The following SEC23A variants were observed in gnomAD, a reference collection of about 807,000 sequenced individuals.
SEC23A encodes the protein SEC23 homolog A, COPII component.
A neutral mutation model predicts 103.7 loss-of-function variants in SEC23A; 56 were observed. The observed-to-expected ratio is 0.54, with a 90% confidence interval of 0.44 to 0.67. SEC23A has a LOEUF of 0.67. SEC23A is among the 30% of genes least tolerant of loss of function. SEC23A has a pLI of 0.00. For synonymous variants in SEC23A, 281 were observed against 293.0 expected (o/e 0.96, Z 0.42); for missense variants, 784 against 936.4 (o/e 0.84, Z 2.12).
chr14:39,086,123 T>C (rs1025134599), intron 6 of SEC23A, among the ~76,000 whole-genome samples: 1 of 151,990 alleles, frequency 6.6e-6, no homozygotes, highest in Non-Finnish European at 1.5e-5. Flanking sequence ...AGGTCTGGAG[T>C]GGAGCCGAAG....
At chr14:39,086,081 T>C (rs1031977919) in intron 6 of SEC23A, among the ~76,000 whole-genome samples, 175 bp from the exon 7 acceptor site, 6 of 152,142 alleles carry the variant, frequency 3.9e-5, no homozygotes, top group African/African-American at 2.4e-5. Context: ...TAACACATAT[T>C]GCTAGGTCCC....
chr14:39,096,010 G>C lies in SEC23A; in HGVS notation c.109C>G (p.Pro37Ala). The C allele has an allele frequency of 1.2e-6, 2 of 1,614,050 alleles. No individual in the cohort carries two copies. Residue 37 changes from proline (P) to alanine (A), a missense_variant, in exon 2 of 20, where the codon CCT becomes GCT. Physicochemically the swap from Pro to Ala is conservative, Grantham distance 27. Coordinates refer to ENST00000307712, the MANE Select transcript of SEC23A (RefSeq NM_006364.4). ...AGTGGTGTAAACAGGGCTGCCACAG[G>C]AACAACCATTCTTGTAGCTTCCAGT... is the stretch of plus-strand genomic sequence containing the variant. ...SRLEATRMVV[P>A]VAALFTPLKE...
At chr14:39,035,813 G>C (rs554532810) in intron 19 of SEC23A, among the ~76,000 whole-genome samples, 58 of 152,232 alleles carry the variant, frequency 3.8e-4, no homozygotes, top group African/African-American at 1.0e-3. Flanking sequence ...AATCTAACAG[G>C]AGCAATGCCA....
At chr14:39,086,606 GA>G (rs1887454376) in intron 6 of SEC23A, among the ~76,000 whole-genome samples, 1 of 152,106 alleles carries the variant, frequency 6.6e-6, no homozygotes, top group African/African-American at 2.4e-5. Flanking sequence ...ACCTTAGCGG[GA>G]AAAGCTACCT....
intron 7 of SEC23A, among the ~76,000 whole-genome samples, chr14:39,083,565 T>TTTTTTTTTTC (rs1205696817): frequency 1.3e-5 from 1 of 78,672 alleles, no homozygotes; most frequent in African/African-American, 5.6e-5. Flanking sequence ...TAAACTTTCT[T>TTTTTTTTTTC]TTTTTTTTTT....
chr14:39,074,324 C>T, intron 9 of SEC23A, 91 bp downstream of exon 9: 2 of 843,406 alleles, frequency 2.4e-6, no homozygotes, highest in Non-Finnish European at 4.1e-6. Flanking sequence ...GGGAAGATGA[C>T]ACTTTTCCCT....
At chr14:39,034,796 T>C (rs1885407935) in intron 19 of SEC23A, among the ~76,000 whole-genome samples, 1 of 152,190 alleles carries the variant, frequency 6.6e-6, no homozygotes, top group Admixed American at 6.5e-5. Context: ...TATCCAGGAT[T>C]AGGCAGAAAG....
At chr14:39,088,951 G>A (rs1262350058) in intron 5 of SEC23A, among the ~76,000 whole-genome samples, 1 of 151,778 alleles carries the variant, frequency 6.6e-6, no homozygotes, top group East Asian at 1.9e-4. Flanking sequence ...GGCAGATCAC[G>A]AGGTCAGGAG....
intron 13 of SEC23A, among the ~76,000 whole-genome samples, chr14:39,059,703 T>C (rs976790225): frequency 6.6e-6 from 1 of 152,210 alleles, no homozygotes; most frequent in Non-Finnish European, 1.5e-5. Flanking sequence ...GGAGATATTA[T>C]GACCTTCTGC....
At chr14:39,039,700 C>G (rs1334504853) in intron 18 of SEC23A, 1 of 152,542 alleles carries the variant, frequency 6.6e-6, no homozygotes, top group East Asian at 1.9e-4. Context: ...AATTTAGTAT[C>G]ATACAAAATC....
Position 39,074,496 on chromosome 14 carries a change from G to A in SEC23A, c.1022C>T (p.Thr341Ile), listed in dbSNP as rs1886946011. Residue 341 changes from threonine to isoleucine, a missense_variant, in exon 9 of 20, where the codon ACT (threonine) becomes ATT (isoleucine). Thr to Ile is a moderately conservative substitution (Grantham distance 89). Around this residue, in one of 2 missense-constraint regions of SEC23A, gnomAD observed 683 missense variants for 774.2 expected, o/e 0.88. Coordinates refer to ENST00000307712, the MANE Select transcript of SEC23A (RefSeq NM_006364.4). ...CGCATAGATATCAATAACATGGCCA[G>A]TTGTAGCAGCTCGATTAGCCAATGC... ...FEALANRAAT[T>I]GHVIDIYACA... 6.2e-7 allele frequency: 1 copy of A among 1,613,142 alleles called. No individual in the cohort carries two copies. Among genetic ancestry groups the A allele is most frequent in the Non-Finnish European group, 8.5e-7 (1 of 1,179,514 alleles).
At chr14:39,051,123 T>C (rs1050947376) in intron 14 of SEC23A, among the ~76,000 whole-genome samples, 3 of 152,248 alleles carry the variant, frequency 2.0e-5, no homozygotes, top group Non-Finnish European at 4.4e-5. Context: ...TAGGAAATTA[T>C]ACTAATAAAT....
intron 15 of SEC23A, chr14:39,047,508 AAC>A: frequency 5.0e-5 from 35 of 704,142 alleles, no homozygotes; most frequent in East Asian, 1.5e-4. Flanking sequence ...AAACAACAAC[AAC>A]AAAAAAAAAA....
At chr14:39,074,292 A>G in intron 9 of SEC23A, 123 bp downstream of exon 9, 2 of 726,760 alleles carry the variant, frequency 2.8e-6, no homozygotes, top group South Asian at 1.5e-5. Context: ...AACTACTAAC[A>G]GATGTGTTGC....
Position 39,086,969 on chromosome 14 carries a change from T to C in SEC23A, c.643A>G (p.Thr215Ala). The change falls in exon 6 of 20, where the codon ACA becomes GCA. Residue 215 changes from threonine (T) to alanine (A), a missense_variant. Coordinates refer to ENST00000307712, the MANE Select transcript of SEC23A (RefSeq NM_006364.4). ...GLSKVPLTQA[T>A]RGPQVQQPPP... ...GGCTGCTGTACCTGAGGACCACGTG[T>C]TGCTTGAGTAAGTGGTACTTTAGAG... 6.3e-7 allele frequency: 1 copy of C among 1,595,164 alleles called. No homozygotes were observed. The highest frequency in any genetic ancestry group is 1.1e-5 in the South Asian group (1 of 90,720).
At chr14:39,083,499 C>A (rs903061580) in intron 7 of SEC23A, among the ~76,000 whole-genome samples, 1 of 151,714 alleles carries the variant, frequency 6.6e-6, no homozygotes, top group African/African-American at 2.4e-5. Context: ...GCTCTGACCA[C>A]CTTGGACGCA....
Position 39,086,720 on chromosome 14 carries a change from T to C in SEC23A, c.683+209A>G, listed in dbSNP as rs143002954. 2.6e-4 allele frequency among the ~76,000 whole-genome samples: 40 copies of C among 152,242 alleles called. No homozygotes were observed. The East Asian group carries it at 7.5e-3, about 29-fold the overall frequency. On this transcript the variant is annotated intron_variant, in intron 6 of 19. Transcript: ENST00000307712. ...TAAAAAATAAGGAAAATAACAAAACTAAAGTAACTCCTTACATTGTTAAGA... is the reference window on the plus strand; with the variant it reads ...TAAAAAATAAGGAAAATAACAAAACCAAAGTAACTCCTTACATTGTTAAGA...
chr14:39,097,508 A>G (rs891675221), intron 1 of SEC23A, among the ~76,000 whole-genome samples: 7 of 152,298 alleles, frequency 4.6e-5, no homozygotes, highest in South Asian at 2.1e-4. Context: ...ATTTGGGGGG[A>G]AAAAGTTAGA....
At chr14:39,092,896 C>G (rs1887709426) in intron 3 of SEC23A, 1 of 495,906 alleles carries the variant, frequency 2.0e-6, no homozygotes, top group Admixed American at 3.5e-5. Flanking sequence ...CGGAGTCTTG[C>G]TCTGTTGCCC....
Sources: gnomAD v4.1 joint callset for allele counts (sites outside exome capture counted in the v4.1 genomes callset) on GRCh38, gnomAD v4.1.1 for gene constraint, gnomAD v4.1.1 regional missense constraint, MANE v1.5 for transcripts, NCBI Gene and HGNC (gene_info 2026-07-23, HGNC 2026-07-21) for gene names.